GLIPR1L2: variants seen among roughly 807,000 people sequenced by gnomAD.
GLIPR1L2 encodes GLIPR1-like protein 2.
GLIPR1L2 carries 21 observed loss-of-function variants against 28.4 expected under a neutral mutation model. The observed-to-expected ratio is 0.74, with a 90% CI of 0.52 to 1.06. The LOEUF (loss-of-function observed/expected upper bound fraction) is 1.06, where lower values mean the gene tolerates loss of function less well. Ranked by LOEUF, GLIPR1L2 falls within the 50% of genes least tolerant of loss-of-function variation. GLIPR1L2 has a pLI of 0.00. For synonymous variants in GLIPR1L2, 145 were observed against 139.3 expected, an observed-to-expected ratio of 1.04 and a Z score of -0.29; for missense variants, 476 against 416.9, an observed-to-expected ratio of 1.14 and a Z score of -1.23.
intron 1 of GLIPR1L2, among the ~76,000 whole-genome samples, chr12:75,393,720 T>A (rs1485864676): frequency 6.6e-6 from 1 of 152,098 alleles, no homozygotes; most frequent in African/African-American, 2.4e-5. Flanking sequence ...TACATTTATC[T>A]GCTCCAGTTC....
intron 1 of GLIPR1L2, among the ~76,000 whole-genome samples, chr12:75,393,112 A>G (rs1330159945): frequency 6.6e-6 from 1 of 152,140 alleles, no homozygotes; most frequent in African/African-American, 2.4e-5. Context: ...AAATATTAAT[A>G]AGATCTTAGA....
intron 3 of GLIPR1L2, among the ~76,000 whole-genome samples, chr12:75,414,354 C>T (rs1238307171): frequency 6.6e-6 from 1 of 151,942 alleles, no homozygotes; most frequent in Admixed American, 6.6e-5. Context: ...ATTATTATAA[C>T]TTCCAAATAA....
chr12:75,420,534 T>A (rs1488619824), intron 3 of GLIPR1L2, among the ~76,000 whole-genome samples: 1 of 152,162 alleles, frequency 6.6e-6, no homozygotes, highest in Non-Finnish European at 1.5e-5. Flanking sequence ...TAAGAAAAGT[T>A]CTAGAAGACT....
chr12:75,412,453 A>T (rs2045877998), intron 2 of GLIPR1L2, among the ~76,000 whole-genome samples: 1 of 152,054 alleles, frequency 6.6e-6, no homozygotes, highest in African/African-American at 2.4e-5. Flanking sequence ...CATCTGACAA[A>T]GGGCTAATAT....
chr12:75,405,591 T>C (rs1395798893), intron 1 of GLIPR1L2, among the ~76,000 whole-genome samples: 1 of 152,114 alleles, frequency 6.6e-6, no homozygotes, highest in Non-Finnish European at 1.5e-5. Flanking sequence ...AAAACACTTA[T>C]GCCTGGGTCA....
chr12:75,394,020 T>C (rs767554347), intron 1 of GLIPR1L2, among the ~76,000 whole-genome samples: 12 of 152,104 alleles, frequency 7.9e-5, no homozygotes, highest in Admixed American at 1.3e-4. Context: ...ATTACTGATA[T>C]TGAGCATCTT....
intron 1 of GLIPR1L2, among the ~76,000 whole-genome samples, chr12:75,409,578 TACAC>T (rs1402837022): frequency 6.8e-6 from 1 of 147,032 alleles, no homozygotes; most frequent in East Asian, 2.0e-4. Context: ...TATATATATA[TACAC>T]ACACACATAT....
chr12:75,407,816 T>TGA (rs2045819817), intron 1 of GLIPR1L2, among the ~76,000 whole-genome samples: 1 of 152,088 alleles, frequency 6.6e-6, no homozygotes, highest in African/African-American at 2.4e-5. Flanking sequence ...CATGTAACCT[T>TGA]GAGAATTCTT....
At chr12:75,429,686 G>A (rs1057057724) in intron 4 of GLIPR1L2, among the ~76,000 whole-genome samples, 4 of 152,058 alleles carry the variant, frequency 2.6e-5, no homozygotes, top group Non-Finnish European at 4.4e-5. Context: ...GCTGAGGGAG[G>A]GACCTGGTGG....
Position 75,410,652 on chromosome 12 carries a change from C to A in GLIPR1L2, c.453C>A (p.Cys151Ter). The A allele has an allele frequency of 6.2e-7, 1 of 1,608,206 alleles. No individual in the cohort carries two copies. Among genetic ancestry groups the A allele is most frequent in the Non-Finnish European group, 8.5e-7 (1 of 1,175,670 alleles). ...TGTACAATTTTGAAAATGGCAGTTG[C>A]TCTGGAGACTGTTCTAATTATATTC... Reference protein sequence around the residue: ...KKMYNFENGSCSGDCSNYIQL... With the variant: ...KKMYNFENGS The change falls in exon 2 of 6, where the codon TGC (cysteine) becomes TGA (stop). Residue 151 changes from cysteine to a stop codon, truncating the protein, a stop_gained. Transcript: ENST00000550916. LOFTEE classifies it high-confidence loss of function.
At chr12:75,416,762 C>G (rs895952083) in intron 3 of GLIPR1L2, among the ~76,000 whole-genome samples, 5 of 152,086 alleles carry the variant, frequency 3.3e-5, no homozygotes, top group Non-Finnish European at 7.4e-5. Flanking sequence ...TCTTGCTACT[C>G]TCTTATTGCA....
intron 4 of GLIPR1L2, among the ~76,000 whole-genome samples, chr12:75,429,420 A>G (rs1000603977): frequency 2.0e-5 from 3 of 152,184 alleles, no homozygotes; most frequent in Admixed American, 1.3e-4. Flanking sequence ...CCTTCATTGT[A>G]TCTTAGAAGT....
At chr12:75,396,844 A>G (rs2045686159) in intron 1 of GLIPR1L2, among the ~76,000 whole-genome samples, 1 of 152,188 alleles carries the variant, frequency 6.6e-6, no homozygotes, top group Non-Finnish European at 1.5e-5. Flanking sequence ...TTGTTATTTT[A>G]AAGATGATTT....
intron 4 of GLIPR1L2, among the ~76,000 whole-genome samples, chr12:75,424,610 TA>T (rs58768300): frequency 0.32 from 47,931 of 151,164 alleles, 8,370 homozygotes; most frequent in East Asian, 0.46. Flanking sequence ...CATGCCCAGC[TA>T]ATTTTTTTTT....
At chr12:75,409,078 A>C (rs1477092239) in intron 1 of GLIPR1L2, among the ~76,000 whole-genome samples, 1 of 152,060 alleles carries the variant, frequency 6.6e-6, no homozygotes, top group East Asian at 1.9e-4. Flanking sequence ...CTTTGAATGC[A>C]GCCCAACACA....
intron 1 of GLIPR1L2, 31 bp downstream of exon 1, chr12:75,391,381 C>G (rs1476754817): frequency 1.2e-6 from 2 of 1,606,788 alleles, no homozygotes; most frequent in Non-Finnish European, 8.5e-7. Context: ...GCCGACCCTT[C>G]CACTACCGTT....
chr12:75,400,560 A>T (rs537025731), intron 1 of GLIPR1L2, among the ~76,000 whole-genome samples: 2 of 152,354 alleles, frequency 1.3e-5, no homozygotes, highest in East Asian at 3.9e-4. Flanking sequence ...GGAATTAATT[A>T]GTTACTTATA....
intron 1 of GLIPR1L2, 151 bp from the exon 2 acceptor site, chr12:75,410,283 G>T: frequency 1.6e-6 from 1 of 622,750 alleles, no homozygotes; most frequent in Non-Finnish European, 2.6e-6. Context: ...TTATCCCATG[G>T]AAGTTTTTCC....
intron 1 of GLIPR1L2, among the ~76,000 whole-genome samples, chr12:75,401,593 AG>A (rs1488914403): frequency 1.3e-5 from 2 of 152,054 alleles, no homozygotes; most frequent in Admixed American, 1.3e-4. Context: ...CCTGTCAATA[AG>A]GGATTCTAAT....
Sources: allele counts gnomAD v4.1 joint callset (sites outside exome capture counted in the v4.1 genomes callset), GRCh38; gene constraint gnomAD v4.1.1; transcripts MANE v1.5; gene names NCBI Gene and HGNC (gene_info 2026-07-23, HGNC 2026-07-21).